SLC6A6: variants seen among roughly 807,000 people sequenced by gnomAD.
SLC6A6 encodes sodium- and chloride-dependent taurine transporter.
In SLC6A6, 16 loss-of-function variants were observed where a neutral mutation model predicts 68.8. The observed-to-expected ratio is 0.23, with a 90% CI of 0.16 to 0.35. SLC6A6 has a LOEUF of 0.35. Among genes scored for constraint, SLC6A6 ranks in the 10% least tolerant of loss-of-function variants. SLC6A6 has a pLI of 1.00. For missense variants in SLC6A6, 474 were observed against 802.8 expected (o/e 0.59, Z 4.95); for synonymous variants, 312 against 315.4 (o/e 0.99, Z 0.12).
At chr3:14,439,431 G>A (rs1378464355) in intron 2 of SLC6A6, among the ~76,000 whole-genome samples, 1 of 152,218 alleles carries the variant, frequency 6.6e-6, no homozygotes. Context: ...GCCTGCGTGT[G>A]TGTCAAATCT....
intron 1 of SLC6A6, among the ~76,000 whole-genome samples, chr3:14,412,114 T>A (rs1408342233): frequency 6.6e-6 from 1 of 152,228 alleles, no homozygotes; most frequent in Non-Finnish European, 1.5e-5. Context: ...AAGACCATTC[T>A]ATCCATTGTG....
In SLC6A6 at chr3:14,488,900, A is replaced by G. The variant is rs1701252412; in HGVS notation, c.*3893A>G. ...GTTATATATTTGACTTCAAATTGAG[A>G]TGTTGGCTTCATTTTTTTTTTTTAC... On this transcript the variant is annotated 3_prime_UTR_variant, in exon 15 of 15. Coordinates refer to ENST00000622186, the MANE Select transcript of SLC6A6 (RefSeq NM_003043.6). 1 of 152,348 alleles carries G rather than the reference A, an allele frequency of 6.6e-6. No homozygotes were observed. The allele number at this position is 152,348 out of a possible 1,614,324, so 9.4% of individuals were successfully genotyped here. A position where few individuals can be genotyped will look rare whatever the true frequency, so the allele number is the denominator to read the frequency against.
intron 5 of SLC6A6, among the ~76,000 whole-genome samples, chr3:14,454,199 G>T (rs1036965861): frequency 6.6e-6 from 1 of 152,162 alleles, no homozygotes; most frequent in Non-Finnish European, 1.5e-5. Context: ...TGACTTGTTG[G>T]GGCAGGAGTA....
intron 3 of SLC6A6, 49 bp from the exon 4 acceptor site, chr3:14,445,668 G>T (rs1052030196): frequency 1.2e-6 from 2 of 1,611,638 alleles, no homozygotes; most frequent in Admixed American, 1.7e-5. Flanking sequence ...CTTCTGCGTC[G>T]GCGCTGCCAT....
chr3:14,464,710 C>G (rs897127089), intron 6 of SLC6A6, among the ~76,000 whole-genome samples: 9 of 152,216 alleles, frequency 5.9e-5, no homozygotes, highest in Non-Finnish European at 1.2e-4. Flanking sequence ...TGGGCCCCAG[C>G]AGTGCCCTGG....
chr3:14,466,965 AC>A (rs1425776884), intron 7 of SLC6A6, among the ~76,000 whole-genome samples: 6 of 152,136 alleles, frequency 3.9e-5, no homozygotes, highest in Non-Finnish European at 8.8e-5. Flanking sequence ...TCCCGCTCGG[AC>A]CCAGCTTCTG....
chr3:14,434,287 A>G (rs1699801305), intron 2 of SLC6A6, among the ~76,000 whole-genome samples: 1 of 152,196 alleles, frequency 6.6e-6, no homozygotes, highest in African/African-American at 2.4e-5. Flanking sequence ...TGGTGTCTGG[A>G]AAGGGCTTGG....
chr3:14,455,526 C>G (rs1453188469), intron 5 of SLC6A6, among the ~76,000 whole-genome samples: 4 of 152,232 alleles, frequency 2.6e-5, no homozygotes, highest in Admixed American at 6.5e-5. Context: ...GTGGGCAACA[C>G]AGACATTTCC....
Position 14,477,383 on chromosome 3 carries a change from A to G in SLC6A6, c.1347+41A>G, listed in dbSNP as rs1487351881. 2.5e-6 allele frequency: 4 copies of G among 1,606,124 alleles called. No individual in the cohort carries two copies. Among genetic ancestry groups the G allele is most frequent in the Non-Finnish European group, 3.4e-6 (4 of 1,174,278 alleles). On this transcript the variant is annotated intron_variant, in intron 11 of 14. Coordinates refer to ENST00000622186, the MANE Select transcript of SLC6A6 (RefSeq NM_003043.6). This position sits in a 1 kb window ranked among gnomAD's most constrained non-coding sequence, Gnocchi z 4.2. ...AGCTGTGTTTCAGGCTTGGTGCTCCAGTGCCCTCCTCAAGGCCATAGTGGA... is the reference window on the plus strand; with the variant it reads ...AGCTGTGTTTCAGGCTTGGTGCTCCGGTGCCCTCCTCAAGGCCATAGTGGA...
intron 5 of SLC6A6, among the ~76,000 whole-genome samples, chr3:14,451,740 T>C (rs1012295325): frequency 6.6e-6 from 1 of 152,218 alleles, no homozygotes; most frequent in African/African-American, 2.4e-5. Context: ...GGGTTCCCTT[T>C]GGGTGAAACT....
chr3:14,423,636 A>G (rs899517972), intron 2 of SLC6A6, among the ~76,000 whole-genome samples: 2 of 152,144 alleles, frequency 1.3e-5, no homozygotes, highest in Non-Finnish European at 2.9e-5. Flanking sequence ...GGTGCTGTCA[A>G]GAGAATAGTA....
chr3:14,436,697 T>A (rs1699864167), intron 2 of SLC6A6, among the ~76,000 whole-genome samples: 1 of 152,008 alleles, frequency 6.6e-6, no homozygotes, highest in Admixed American at 6.6e-5. Context: ...ATGGAGACAG[T>A]GGTCCAGGGA....
chr3:14,471,888 T>G (rs1470096280), intron 9 of SLC6A6, among the ~76,000 whole-genome samples: 8 of 152,232 alleles, frequency 5.3e-5, no homozygotes, highest in African/African-American at 1.9e-4. Flanking sequence ...GGATCCTCCC[T>G]TTCCTTTGTC....
chr3:14,417,708 G>A (rs977314289), intron 2 of SLC6A6, among the ~76,000 whole-genome samples: 1 of 151,316 alleles, frequency 6.6e-6, no homozygotes. Context: ...CTCCAGCCTG[G>A]GCGACGCAGC....
intron 2 of SLC6A6, among the ~76,000 whole-genome samples, chr3:14,421,182 A>G (rs1056957643): frequency 6.6e-6 from 1 of 152,240 alleles, no homozygotes; most frequent in Admixed American, 6.5e-5. Flanking sequence ...AATTCATCCC[A>G]GAGAAGCAGC....
At chr3:14,451,494 G>A (rs2124957720) in intron 5 of SLC6A6, among the ~76,000 whole-genome samples, 1 of 152,344 alleles carries the variant, frequency 6.6e-6, no homozygotes, top group East Asian at 1.9e-4. Context: ...CACGGGTGAG[G>A]GCCAGGTAGG....
At chr3:14,442,128 C>T (rs1700003773) in intron 2 of SLC6A6, among the ~76,000 whole-genome samples, 1 of 152,218 alleles carries the variant, frequency 6.6e-6, no homozygotes, top group African/African-American at 2.4e-5. Flanking sequence ...GGTCACGTGA[C>T]AAGGTGGTCA....
chr3:14,477,192 T>A lies in SLC6A6; in HGVS notation c.1210-13T>A, dbSNP rs1306502667. 4 of 1,607,492 alleles carry A rather than the reference T, an allele frequency of 2.5e-6. No individual in the cohort carries two copies. Among genetic ancestry groups the A allele is most frequent in the Non-Finnish European group, 3.4e-6 (4 of 1,175,488 alleles). Reference sequence around the variant, plus strand: ...GTCAGCCGCTCACCAGCTCTCTCTCTTCCCCTCCTCAGTTTGTTGAAGTTG... The same window carrying A: ...GTCAGCCGCTCACCAGCTCTCTCTCATCCCCTCCTCAGTTTGTTGAAGTTG... On this transcript the variant is annotated splice_polypyrimidine_tract_variant and intron_variant, in intron 10 of 14. Coordinates refer to ENST00000622186, the MANE Select transcript of SLC6A6 (RefSeq NM_003043.6). The surrounding 1 kb of genome is among the most constrained non-coding windows in gnomAD (Gnocchi z 4.2).
chr3:14,407,398 A>T (rs181989536), intron 1 of SLC6A6, among the ~76,000 whole-genome samples: 1 of 152,266 alleles, frequency 6.6e-6, no homozygotes, highest in Admixed American at 6.5e-5. Flanking sequence ...TGACAAATGT[A>T]TACACCTGTG....
Sources: allele counts gnomAD v4.1 joint callset (sites outside exome capture counted in the v4.1 genomes callset), GRCh38; gene constraint gnomAD v4.1.1; non-coding constraint Gnocchi (gnomAD v3.1); transcripts MANE v1.5; gene names NCBI Gene and HGNC (gene_info 2026-07-23, HGNC 2026-07-21).